The following PRICKLE2 variants were observed in gnomAD, a reference collection of about 807,000 sequenced individuals.
PRICKLE2 encodes the protein prickle planar cell polarity protein 2.
Under a neutral mutation model 81.4 loss-of-function variants are expected in PRICKLE2, and 21 were observed. The ratio of observed to expected loss-of-function variants is 0.26; its 90% CI spans 0.18 to 0.37. The LOEUF (loss-of-function observed/expected upper bound fraction) is 0.37, where lower values mean the gene tolerates loss of function less well. PRICKLE2 is among the 10% of genes least tolerant of loss of function. The pLI, the probability that PRICKLE2 is intolerant of heterozygous loss-of-function variation, is 1.00. For synonymous variants in PRICKLE2, 456 were observed against 421.5 expected, an observed-to-expected ratio of 1.08 and a Z score of -1.00; for missense variants, 940 against 1,109.0, an observed-to-expected ratio of 0.85 and a Z score of 2.16.
chr3:64,252,817 T>G (rs2079467809), intron 2 of PRICKLE2, among the ~76,000 whole-genome samples: 1 of 152,230 alleles, frequency 6.6e-6, no homozygotes, highest in South Asian at 2.1e-4. Context: ...GATCAATATT[T>G]TAGGCTTTGT....
At chr3:64,241,621 T>G (rs2079266321) in intron 2 of PRICKLE2, among the ~76,000 whole-genome samples, 1 of 152,178 alleles carries the variant, frequency 6.6e-6, no homozygotes, top group Non-Finnish European at 1.5e-5. Flanking sequence ...TGGTTTAGAA[T>G]TCAGGGATGA....
At chr3:64,204,145 G>A (rs983087846) in intron 1 of PRICKLE2, among the ~76,000 whole-genome samples, 1 of 152,152 alleles carries the variant, frequency 6.6e-6, no homozygotes, top group Non-Finnish European at 1.5e-5. Flanking sequence ...TTCTCAGAGG[G>A]GAGAAACATA....
At chr3:64,232,799 T>G (rs984678178) in intron 2 of PRICKLE2, among the ~76,000 whole-genome samples, 2 of 152,146 alleles carry the variant, frequency 1.3e-5, no homozygotes, top group African/African-American at 4.8e-5. Context: ...ATCTGCTCCA[T>G]CTGTAGTCTT....
intron 7 of PRICKLE2, chr3:64,101,040 A>C (rs2106937826): frequency 6.6e-6 from 1 of 152,358 alleles, no homozygotes; most frequent in African/African-American, 2.4e-5. Flanking sequence ...GCACTTTGCA[A>C]AATTACTTGG....
At chr3:64,161,768 G>A (rs1168590222) in intron 3 of PRICKLE2, among the ~76,000 whole-genome samples, 15 of 148,524 alleles carry the variant, frequency 1.0e-4, no homozygotes, top group Non-Finnish European at 2.2e-4. Flanking sequence ...GAGAACTGCA[G>A]TGACCTGAAC....
chr3:64,215,159 G>T (rs116672959), intron 1 of PRICKLE2, among the ~76,000 whole-genome samples: 1,591 of 152,142 alleles, frequency 0.01, 27 homozygotes, highest in African/African-American at 0.037. Flanking sequence ...CTTAACCATA[G>T]CCTACAAGAC....
intron 2 of PRICKLE2, among the ~76,000 whole-genome samples, chr3:64,265,998 A>G (rs1404701543): frequency 1.3e-5 from 2 of 152,192 alleles, no homozygotes. Context: ...GAAAATAAAA[A>G]ATAAAAGGCT....
chr3:64,170,703 T>TA (rs770744864), intron 2 of PRICKLE2, among the ~76,000 whole-genome samples: 24,583 of 112,872 alleles, frequency 0.22, 2,722 homozygotes, highest in East Asian at 0.4. Flanking sequence ...CTAGAAACAT[T>TA]AAAAAAAAAA....
At chr3:64,228,468 T>C (rs750942927), upstream of PRICKLE2, among the ~76,000 whole-genome samples, 15 of 152,036 alleles carry the variant, frequency 9.9e-5, no homozygotes, top group African/African-American at 2.7e-4. Flanking sequence ...ATATTAAAAT[T>C]ACAAAATCCA....
At chr3:64,106,435 G>C (rs1410201002) in intron 7 of PRICKLE2, among the ~76,000 whole-genome samples, 1 of 152,210 alleles carries the variant, frequency 6.6e-6, no homozygotes, top group African/African-American at 2.4e-5. Context: ...TGTATGACCT[G>C]CAAAGACTCA....
chr3:64,228,824 G>C (rs1463824137), upstream of PRICKLE2, among the ~76,000 whole-genome samples: 1 of 152,166 alleles, frequency 6.6e-6, no homozygotes, highest in East Asian at 1.9e-4. Context: ...TGTTTAGGTA[G>C]AATGATAGGA....
rs1163005170 is a variant in PRICKLE2, at chr3:64,099,357, G to T, written c.2229C>A (p.Asp743Glu). The T allele has an allele frequency of 3.1e-6, 5 of 1,614,056 alleles. No homozygotes were observed. The highest frequency in any genetic ancestry group is 4.2e-6 in the Non-Finnish European group (5 of 1,179,902). Residue 743 changes from aspartate (D) to glutamate (E), a missense_variant, in exon 8 of 8, where the codon GAC (aspartate) becomes GAA (glutamate). Around this residue, in one of 2 missense-constraint regions of PRICKLE2, gnomAD observed 670 missense variants for 717.2 expected, o/e 0.93. Coordinates refer to ENST00000638394, the MANE Select transcript of PRICKLE2 (RefSeq NM_198859.4). This position sits in a 1 kb window ranked among gnomAD's most constrained non-coding sequence, Gnocchi z 4.3. ...QESMGHGSRR[D>E]LYGQCPRTVS... ...CAGTCCTAGGGCACTGGCCGTACAG[G>T]TCCCTCCGGGACCCATGCCCCATGC...
intron 5 of PRICKLE2, chr3:64,153,953 A>G (rs998388913): frequency 6.5e-6 from 1 of 154,726 alleles, no homozygotes; most frequent in African/African-American, 2.4e-5. Context: ...AGGCCCTCAC[A>G]AGTGTTTGCA....
intron 2 of PRICKLE2, among the ~76,000 whole-genome samples, chr3:64,260,366 T>G (rs543241182): frequency 6.6e-6 from 1 of 152,272 alleles, no homozygotes; most frequent in South Asian, 2.1e-4. Context: ...AGGGCAAGAG[T>G]TGCACTAGAT....
At chr3:64,171,272 G>A (rs947664344) in intron 2 of PRICKLE2, among the ~76,000 whole-genome samples, 3 of 152,098 alleles carry the variant, frequency 2.0e-5, no homozygotes, top group African/African-American at 7.2e-5. Flanking sequence ...TCAAATGGGG[G>A]CAATAATACC....
At position 64,248,296 on chromosome 3, in the gene PRICKLE2, G is replaced by A. The variant is rs187984849; in HGVS notation, c.129-49329C>T. On this transcript the variant is annotated intron_variant, in intron 2 of 8. Transcript: ENST00000295902. ...CATTTCAAGGAAAGCATTTAATAAG[G>A]GGCAAATGGCAAATAATTAGGCAAA... 5.3e-5 allele frequency among the ~76,000 whole-genome samples: 8 copies of A among 152,174 alleles called. No homozygotes were observed. The East Asian group carries it at 1.2e-3, about 22-fold the overall frequency.
rs189414318 is a variant in PRICKLE2 at position 64,130,854 on chromosome 3, T to C, written c.1660+15976A>G. On this transcript the variant is annotated intron_variant, in intron 7 of 7. Coordinates refer to ENST00000638394, the MANE Select transcript of PRICKLE2 (RefSeq NM_198859.4). Reference sequence around the variant, plus strand: ...TTAAAGCTCCCCAGATGACTCCAAGTGTGGCCAAAGTTGACAACCAGTGCC... The same window carrying C: ...TTAAAGCTCCCCAGATGACTCCAAGCGTGGCCAAAGTTGACAACCAGTGCC... 1.8e-4 allele frequency among the ~76,000 whole-genome samples: 28 copies of C among 152,318 alleles called. No individual in the cohort carries two copies. In the East Asian group the frequency reaches 5.4e-3, roughly 29 times the overall value.
chr3:64,184,582 G>T (rs926097291), intron 2 of PRICKLE2, among the ~76,000 whole-genome samples: 1 of 152,006 alleles, frequency 6.6e-6, no homozygotes, highest in African/African-American at 2.4e-5. Flanking sequence ...CAAGCAATCT[G>T]CCAGCTTCAG....
intron 2 of PRICKLE2, among the ~76,000 whole-genome samples, chr3:64,254,696 TC>T (rs2107183456): frequency 6.6e-6 from 1 of 152,348 alleles, no homozygotes; most frequent in Admixed American, 6.5e-5. Context: ...TCTTGATCCC[TC>T]CTCTCAAGTC....
Sources: gnomAD v4.1 joint callset for allele counts (sites outside exome capture counted in the v4.1 genomes callset) on GRCh38, gnomAD v4.1.1 for gene constraint, gnomAD v4.1.1 regional missense constraint, Gnocchi (gnomAD v3.1) non-coding constraint, MANE v1.5 for transcripts, NCBI Gene and HGNC (gene_info 2026-07-23, HGNC 2026-07-21) for gene names.